The following RTL4 variants were observed in gnomAD, a reference collection of about 807,000 sequenced individuals.
The protein encoded by RTL4 is retrotransposon Gag like 4, also known as retrotransposon Gag-like protein 4.
In RTL4, 4 loss-of-function variants were observed where a neutral mutation model predicts 5.3. The observed-to-expected ratio is 0.75, with a 90% CI of 0.37 to 1.72. RTL4 has a LOEUF of 1.72. Among genes scored for constraint, RTL4 ranks in the 40% most tolerant of loss-of-function variants. The probability of loss-of-function intolerance (pLI) is 0.04; values close to 1 mark genes in which losing one functional copy is unlikely to be tolerated. For missense variants in RTL4, 260 were observed against 227.1 expected (o/e 1.14, Z -0.93); for synonymous variants, 98 against 87.3 (o/e 1.12, Z -0.68).
the RTL4 span, among the ~76,000 whole-genome samples, chrX:112,154,804 T>C: frequency 0.026 from 2,892 of 111,347 alleles, 95 homozygotes; most frequent in African/African-American, 0.09. Flanking sequence ...CCTTATTAGG[T>C]ATTTTTTTGG....
At chrX:112,456,358 G>T (rs1926844356) in exon 1 of RTL4, 1 of 307,004 alleles carries the variant, frequency 3.3e-6, no homozygotes, top group Non-Finnish European at 5.9e-6. Flanking sequence ...TTTGAATACT[G>T]CTTGGAACTG....
At chrX:112,139,981 C>T in the RTL4 span, among the ~76,000 whole-genome samples, 1 of 112,124 alleles carries the variant, frequency 8.9e-6, no homozygotes, top group South Asian at 3.7e-4. Context: ...TTGAGGCCTT[C>T]CCAGCCACGT....
the RTL4 span, among the ~76,000 whole-genome samples, chrX:112,341,652 T>TA: frequency 1.8e-5 from 2 of 111,653 alleles, no homozygotes; most frequent in Non-Finnish European, 3.8e-5. Flanking sequence ...GTTATTAACA[T>TA]AAAAAAATAG....
chrX:112,404,898 A>G, the RTL4 span, among the ~76,000 whole-genome samples: 9,500 of 111,841 alleles, frequency 0.085, 481 homozygotes, highest in African/African-American at 0.18. Context: ...ATCTTGACAT[A>G]GTTGCTAACT....
chrX:112,355,127 G>C, the RTL4 span, among the ~76,000 whole-genome samples: 1 of 111,323 alleles, frequency 9.0e-6, no homozygotes, highest in Non-Finnish European at 1.9e-5. Context: ...AAAAAATAAA[G>C]TTGAGTTCTA....
chrX:112,310,696 T>A, the RTL4 span, among the ~76,000 whole-genome samples: 3 of 71,040 alleles, frequency 4.2e-5, no homozygotes, highest in Admixed American at 7.2e-4. Flanking sequence ...ATTTATATAT[T>A]ATATAAAATA....
chrX:112,208,919 T>TA, the RTL4 span, among the ~76,000 whole-genome samples: 3 of 112,363 alleles, frequency 2.7e-5, no homozygotes, highest in Admixed American at 1.9e-4. Context: ...AGACCTTTGT[T>TA]ATCTGCTGCT....
chrX:112,350,454 T>C, the RTL4 span, among the ~76,000 whole-genome samples: 3 of 109,930 alleles, frequency 2.7e-5, no homozygotes, highest in African/African-American at 9.9e-5. Flanking sequence ...AGTTCCTCCT[T>C]GTACCTCTGG....
chrX:112,167,927 T>G, the RTL4 span, among the ~76,000 whole-genome samples: 8 of 110,615 alleles, frequency 7.2e-5, no homozygotes, highest in African/African-American at 3.3e-5. Context: ...TCCAAGACAG[T>G]TTTTCTTTTA....
the RTL4 span, among the ~76,000 whole-genome samples, chrX:112,426,004 A>G: frequency 3.6e-5 from 4 of 111,851 alleles, no homozygotes; most frequent in Non-Finnish European, 7.6e-5. Flanking sequence ...AGTCATCGCC[A>G]TATCCAAGGT....
At chrX:112,310,001 C>A in the RTL4 span, among the ~76,000 whole-genome samples, 1 of 104,162 alleles carries the variant, frequency 9.6e-6, no homozygotes, top group Non-Finnish European at 2.0e-5. Flanking sequence ...GTTGCACAGA[C>A]CCGAGATCGT....
At chrX:112,216,664 C>A in the RTL4 span, among the ~76,000 whole-genome samples, 1 of 111,849 alleles carries the variant, frequency 8.9e-6, no homozygotes, top group African/African-American at 3.2e-5. Flanking sequence ...ATGTAGATGG[C>A]TCTCCAACTC....
chrX:112,119,528 T>C, the RTL4 span, among the ~76,000 whole-genome samples: 5 of 111,348 alleles, frequency 4.5e-5, no homozygotes, highest in African/African-American at 1.6e-4. Context: ...TGGTCAACAA[T>C]AGTTAGGCTT....
At chrX:112,335,928 C>T in the RTL4 span, among the ~76,000 whole-genome samples, 1 of 109,438 alleles carries the variant, frequency 9.1e-6, no homozygotes, top group Non-Finnish European at 1.9e-5. Flanking sequence ...CTGCAAGCTC[C>T]GCCTCCCAGA....
chrX:112,174,610 C>G, the RTL4 span, among the ~76,000 whole-genome samples: 1 of 85,484 alleles, frequency 1.2e-5, no homozygotes, highest in Non-Finnish European at 2.3e-5. Flanking sequence ...AATGGGATGG[C>G]TGGGTCAAAT....
the RTL4 span, among the ~76,000 whole-genome samples, chrX:112,179,186 A>G: frequency 8.1e-5 from 9 of 111,224 alleles, no homozygotes; most frequent in African/African-American, 2.9e-4. Flanking sequence ...AGGCCTAGGG[A>G]ATATTAAAAT....
chrX:112,191,382 T>A, the RTL4 span, among the ~76,000 whole-genome samples: 1 of 111,613 alleles, frequency 9.0e-6, no homozygotes, highest in Non-Finnish European at 1.9e-5. Context: ...ATAAATGAAA[T>A]GGCTCCTGAA....
chrX:112,415,850 C>A, the RTL4 span, among the ~76,000 whole-genome samples: 1 of 111,511 alleles, frequency 9.0e-6, no homozygotes, highest in Non-Finnish European at 1.9e-5. Context: ...AGGATTTGAA[C>A]CCAGATTTGT....
chrX:112,319,578 C>T, the RTL4 span, among the ~76,000 whole-genome samples: 7 of 111,675 alleles, frequency 6.3e-5, no homozygotes, highest in Non-Finnish European at 1.3e-4. Flanking sequence ...ACCCAGATAA[C>T]TGCCACCGTA....
Sources: gnomAD v4.1 joint callset for allele counts (sites outside exome capture counted in the v4.1 genomes callset) on GRCh38, gnomAD v4.1.1 for gene constraint, MANE v1.5 for transcripts, NCBI Gene and HGNC (gene_info 2026-07-23, HGNC 2026-07-21) for gene names.